DIAPH2: variants seen among roughly 807,000 people sequenced by gnomAD.
DIAPH2 encodes the protein protein diaphanous homolog 2.
Under a neutral mutation model 92.7 loss-of-function variants are expected in DIAPH2, and 35 were observed. The ratio of observed to expected loss-of-function variants is 0.38; its 90% CI spans 0.29 to 0.50. DIAPH2 has a LOEUF of 0.50. Among genes scored for constraint, DIAPH2 ranks in the 20% least tolerant of loss-of-function variants. DIAPH2 has a pLI of 0.94. For synonymous variants in DIAPH2, 301 were observed against 280.4 expected (o/e 1.07, Z -0.73); for missense variants, 701 against 819.5 (o/e 0.86, Z 1.77).
intron 17 of DIAPH2, among the ~76,000 whole-genome samples, chrX:97,011,594 A>G (rs2147864262): frequency 8.9e-6 from 1 of 111,774 alleles, no homozygotes; most frequent in South Asian, 3.8e-4. Flanking sequence ...TCAAGAATGA[A>G]GAGGGATTTG....
At chrX:96,947,457 A>ATG (rs1285245203) in intron 14 of DIAPH2, among the ~76,000 whole-genome samples, 1 of 111,236 alleles carries the variant, frequency 9.0e-6, no homozygotes, top group Admixed American at 9.6e-5. Flanking sequence ...ACTGAAGGAT[A>ATG]TATGGATCCT....
intron 26 of DIAPH2, among the ~76,000 whole-genome samples, chrX:97,596,229 A>G (rs2071550372): frequency 1.8e-5 from 2 of 112,076 alleles, no homozygotes; most frequent in Admixed American, 9.5e-5. Flanking sequence ...AAAATGAAGC[A>G]GATGAAGAAT....
rs555251310 is a variant in DIAPH2, at chrX:97,277,065, G to A, written c.2844+29226G>A. Among the ~76,000 whole-genome samples the A allele has an allele frequency of 3.9e-3, 433 of 112,446 alleles. 1 individual carries two copies. The highest frequency in any genetic ancestry group is 6.3e-3 in the Non-Finnish European group (335 of 53,267). ...TAAAGAGGCATGTGGGGCTGGGAGC[G>A]GTGGCTCACACCTGTAATCCCAGCA... On this transcript the variant is annotated intron_variant, in intron 23 of 26. Transcript: ENST00000324765.
rs190290427 is a variant in DIAPH2, at chrX:96,791,462, C to T, written c.447+33204C>T. On this transcript the variant is annotated intron_variant, in intron 4 of 26. Coordinates refer to ENST00000324765, the MANE Select transcript of DIAPH2 (RefSeq NM_006729.5). Reference sequence around the variant, plus strand: ...CTGAGGCATGAGGATTGCTTGAACCCAGGAATTGGAGGCTGCAGGGAGCTA... The same window carrying T: ...CTGAGGCATGAGGATTGCTTGAACCTAGGAATTGGAGGCTGCAGGGAGCTA... 1.9e-4 allele frequency among the ~76,000 whole-genome samples: 21 copies of T among 109,324 alleles called. No individual in the cohort carries two copies. The East Asian group carries it at 5.5e-3, about 28-fold the overall frequency. The allele number at this position is 109,324 out of a possible 115,157, so 94.9% of individuals were successfully genotyped here.
chrX:97,426,363 A>C (rs1382332279), intron 25 of DIAPH2, among the ~76,000 whole-genome samples: 1 of 107,800 alleles, frequency 9.3e-6, no homozygotes, highest in Non-Finnish European at 1.9e-5. Context: ...ATCTCGGCTC[A>C]CCACAACCTC....
intron 23 of DIAPH2, among the ~76,000 whole-genome samples, chrX:97,276,105 T>C (rs1339683987): frequency 9.0e-6 from 1 of 111,467 alleles, no homozygotes; most frequent in Non-Finnish European, 1.9e-5. Context: ...CGAAACCCCG[T>C]CTCCACCAAA....
intron 25 of DIAPH2, among the ~76,000 whole-genome samples, chrX:97,398,634 A>T (rs760423615): frequency 2.7e-5 from 3 of 111,288 alleles, no homozygotes; most frequent in South Asian, 3.8e-4. Context: ...CATCTTTATA[A>T]GGAAATGTAT....
intron 21 of DIAPH2, among the ~76,000 whole-genome samples, chrX:97,120,555 G>A (rs898705855): frequency 1.8e-4 from 19 of 107,089 alleles, no homozygotes; most frequent in African/African-American, 5.8e-4. Flanking sequence ...CTTCCCGTCT[G>A]CCATGATCCT....
chrX:97,203,296 C>T (rs1201775283), intron 22 of DIAPH2, among the ~76,000 whole-genome samples: 2 of 111,045 alleles, frequency 1.8e-5, no homozygotes, highest in Non-Finnish European at 3.8e-5. Flanking sequence ...GAAAAGCTAG[C>T]AGAAGACAAG....
chrX:96,868,582 T>C (rs1009044953), intron 4 of DIAPH2, among the ~76,000 whole-genome samples: 1 of 111,706 alleles, frequency 9.0e-6, no homozygotes, highest in African/African-American at 3.3e-5. Context: ...TTCCCCCGCA[T>C]AGAGTCAAGT....
At chrX:97,395,398 A>T (rs2069695564) in intron 25 of DIAPH2, among the ~76,000 whole-genome samples, 1 of 111,856 alleles carries the variant, frequency 8.9e-6, no homozygotes, top group Admixed American at 9.5e-5. Context: ...TGGCACATAG[A>T]TATAATTTTG....
intron 17 of DIAPH2, among the ~76,000 whole-genome samples, chrX:97,016,501 T>G (rs912896345): frequency 8.9e-6 from 1 of 112,383 alleles, no homozygotes; most frequent in African/African-American, 3.2e-5. Context: ...TACTGATCTT[T>G]ACTGTGTCTG....
chrX:96,969,123 G>A (rs771553556), intron 17 of DIAPH2, among the ~76,000 whole-genome samples: 26 of 111,847 alleles, frequency 2.3e-4, no homozygotes, highest in African/African-American at 6.8e-4. Flanking sequence ...TTTTGGTTAC[G>A]GTAGCCTTGT....
rs191256680 is a variant in DIAPH2, at chrX:97,501,889, G to A, written c.3241+72144G>A. Among the ~76,000 whole-genome samples the A allele has an allele frequency of 1.6e-4, 18 of 111,156 alleles. No individual in the cohort carries two copies. The East Asian group carries it at 2.5e-3, about 16-fold the overall frequency. On this transcript the variant is annotated intron_variant, in intron 26 of 26. Transcript: ENST00000324765. ...GTGATCTCGGCTCACTGCAACTTCC[G>A]CCTCCTGGGTTCAAGCAATTCTCCT...
At chrX:97,142,353 ACAG>A (rs2067214027) in intron 22 of DIAPH2, among the ~76,000 whole-genome samples, 3 of 111,518 alleles carry the variant, frequency 2.7e-5, no homozygotes, top group Non-Finnish European at 5.7e-5. Context: ...TTAGGGTTTT[ACAG>A]ACATGGAAAA....
intron 26 of DIAPH2, among the ~76,000 whole-genome samples, chrX:97,551,214 CT>C (rs780965070): frequency 9.0e-6 from 1 of 111,299 alleles, no homozygotes; most frequent in Non-Finnish European, 1.9e-5. Context: ...CAAAGCCTGG[CT>C]TCAGGTTTGT....
At chrX:96,760,375 A>C (rs2064260308) in intron 4 of DIAPH2, among the ~76,000 whole-genome samples, 1 of 111,404 alleles carries the variant, frequency 9.0e-6, no homozygotes, top group Non-Finnish European at 1.9e-5. Context: ...TTTAGAGTAG[A>C]CATGATAGTT....
At chrX:96,875,538 T>C (rs1213610010) in intron 4 of DIAPH2, among the ~76,000 whole-genome samples, 1 of 111,528 alleles carries the variant, frequency 9.0e-6, no homozygotes, top group African/African-American at 3.3e-5. Context: ...GTAGAAAAGC[T>C]TTTATCACCC....
intron 26 of DIAPH2, among the ~76,000 whole-genome samples, chrX:97,511,515 A>G (rs1473426314): frequency 9.2e-6 from 1 of 108,933 alleles, no homozygotes; most frequent in Non-Finnish European, 1.9e-5. Context: ...TCTCCTGCCT[A>G]ATTGCCCTGG....
Sources: gnomAD v4.1 joint callset for allele counts (sites outside exome capture counted in the v4.1 genomes callset) on GRCh38, gnomAD v4.1.1 for gene constraint, MANE v1.5 for transcripts, NCBI Gene and HGNC (gene_info 2026-07-23, HGNC 2026-07-21) for gene names.